Variants in BDP1 observed in about 807,000 individuals in gnomAD.
The protein encoded by BDP1 is transcription factor TFIIIB component B'' homolog.
In BDP1, 169 loss-of-function variants were observed where a neutral mutation model predicts 266.6. That is an observed-to-expected ratio of 0.63 (90% CI 0.56 to 0.72). The LOEUF is 0.72. Among genes scored for constraint, BDP1 ranks in the 30% least tolerant of loss-of-function variants. The probability of loss-of-function intolerance (pLI) is 0.00; values close to 1 mark genes in which losing one functional copy is unlikely to be tolerated. For synonymous variants in BDP1, 1,090 were observed against 1,022.4 expected (o/e 1.07, Z -1.26); for missense variants, 3,015 against 3,053.8 (o/e 0.99, Z 0.30).
At chr5:71,495,089 G>A (rs1166707831) in intron 11 of BDP1, 161 bp from the exon 12 acceptor site, 3 of 424,348 alleles carry the variant, frequency 7.1e-6, no homozygotes, top group Non-Finnish European at 1.2e-5. Flanking sequence ...CATGATGCAA[G>A]ATGGATCATA....
At chr5:71,507,847 T>C (rs1331415511) in intron 16 of BDP1, among the ~76,000 whole-genome samples, 1 of 152,232 alleles carries the variant, frequency 6.6e-6, no homozygotes, top group Admixed American at 6.5e-5. Context: ...AGCAATCTTA[T>C]TCCTAAGGAC....
chr5:71,525,587 G>T (rs1416204200), intron 25 of BDP1, among the ~76,000 whole-genome samples: 3 of 84,778 alleles, frequency 3.5e-5, no homozygotes, highest in African/African-American at 1.3e-4. Flanking sequence ...CCGGGCGGGG[G>T]GCTGACCCCC....
At position 71,501,673 on chromosome 5, in the gene BDP1, T is replaced by TAA. The variant is rs11441119; in HGVS notation, c.2048+39_2048+40dup. ...ATCTGTGTGAGTATTCAGGAAGTAG[T>TAA]AAAAAAAAAAAAAAAAAAAAGTAAC... On this transcript the variant is annotated intron_variant, in intron 14 of 38. Transcript: ENST00000358731. The TAA allele has an allele frequency of 0.03, 16,481 of 541,146 alleles. 113 individuals carry two copies. The highest frequency in any genetic ancestry group is 0.06 in the South Asian group (1,827 of 30,468). The allele number at this position is 541,146 out of a possible 1,614,324, so 33.5% of individuals were successfully genotyped here.
In BDP1 at chr5:71,467,465, C is replaced by G. The variant is rs1400396162; in HGVS notation, c.897C>G (p.Tyr299Ter). 1 of 1,604,302 alleles carries G rather than the reference C, an allele frequency of 6.2e-7. No homozygotes were observed. Among genetic ancestry groups the G allele is most frequent in the Non-Finnish European group, 8.5e-7 (1 of 1,173,692 alleles). ...TTYSSFRKNY[Y>*]SKPWSNKETD... Reference sequence around the variant, plus strand: ...ACTCCAGCTTTAGGAAAAACTATTACTCTAAACCATGGTCAAATAAAGGTA... The same window carrying G: ...ACTCCAGCTTTAGGAAAAACTATTAGTCTAAACCATGGTCAAATAAAGGTA... The change falls in exon 6 of 39, where the codon TAC (tyrosine) becomes TAG (stop). Residue 299 changes from tyrosine to a stop codon, truncating the protein, a stop_gained. Coordinates refer to ENST00000358731, the MANE Select transcript of BDP1 (RefSeq NM_018429.3). LOFTEE classifies it high-confidence loss of function.
chr5:71,550,326 C>T (rs553386984), intron 34 of BDP1, among the ~76,000 whole-genome samples: 2 of 151,838 alleles, frequency 1.3e-5, no homozygotes, highest in East Asian at 3.9e-4. Flanking sequence ...GTGGAAGTTG[C>T]AGTGAGCTGA....
chr5:71,504,727 C>T lies in BDP1; in HGVS notation c.2348C>T (p.Pro783Leu). 6.2e-7 allele frequency: 1 copy of T among 1,613,402 alleles called. No homozygotes were observed. Among genetic ancestry groups the T allele is most frequent in the Non-Finnish European group, 8.5e-7 (1 of 1,179,728 alleles). Reference sequence around the variant, plus strand: ...TTTCAAAATGTGCAGCCAGATGAGCCCAAGGTTCTTAATGAATGTCTAAGG... The same window carrying T: ...TTTCAAAATGTGCAGCCAGATGAGCTCAAGGTTCTTAATGAATGTCTAAGG... The part of the protein sequence containing the change: ...DSFQNVQPDE[P>L]KVLNECLSVQ... Residue 783 changes from proline (P) to leucine (L), a missense_variant, in exon 16 of 39, where the codon CCC becomes CTC. Pro to Leu is a moderately conservative substitution (Grantham distance 98). Coordinates refer to ENST00000358731, the MANE Select transcript of BDP1 (RefSeq NM_018429.3).
At position 71,512,321 on chromosome 5, in the gene BDP1, C is replaced by T. The variant is rs372982175; in HGVS notation, c.4140C>T (p.His1380=). Residue 1380 remains histidine (H), a synonymous_variant, in exon 18 of 39, where the codon CAC becomes CAT. Transcript: ENST00000358731. ...ATTCTGAAAAAGAAGTATCAAGTCA[C>T]TTCAGTCATTTCAAGATTTCTTCAC... ...KRNSEKEVSS[H]FSHFKISSQT... 109 of 1,601,786 alleles carry T rather than the reference C, an allele frequency of 6.8e-5. No individual in the cohort carries two copies. Among genetic ancestry groups the T allele is most frequent in the Non-Finnish European group, 9.0e-5 (106 of 1,176,484 alleles).
chr5:71,473,989 C>T (rs1561680279), intron 7 of BDP1, among the ~76,000 whole-genome samples: 2 of 151,838 alleles, frequency 1.3e-5, no homozygotes, highest in African/African-American at 2.4e-5. Context: ...CTATACATTT[C>T]GTTTTTTTTG....
At chr5:71,522,517 AAT>A in intron 23 of BDP1, 27 bp downstream of exon 23, 10 of 1,539,432 alleles carry the variant, frequency 6.5e-6, no homozygotes, top group South Asian at 2.5e-5. Flanking sequence ...AAAAAAAAAA[AAT>A]TTTTTTTCTC....
At position 71,523,939 on chromosome 5, in the gene BDP1, C is replaced by T; in HGVS notation, c.5388C>T (p.Ser1796=). 6.2e-7 allele frequency: 1 copy of T among 1,603,020 alleles called. No individual in the cohort carries two copies. Among genetic ancestry groups the T allele is most frequent in the Admixed American group, 1.7e-5 (1 of 57,924 alleles). The change falls in exon 25 of 39, where the codon AGC becomes AGT. Residue 1796 remains serine, a splice_region_variant and synonymous_variant. Coordinates refer to ENST00000358731, the MANE Select transcript of BDP1 (RefSeq NM_018429.3). The part of the protein sequence containing the change: ...VEEQYLNKLT[S]CPQPLNETSY... Reference sequence around the variant, plus strand: ...ATTGTTGTTTTGATTAAATATCTAGCTGTCCACAACCGTTAAACGAAACAA... The same window carrying T: ...ATTGTTGTTTTGATTAAATATCTAGTTGTCCACAACCGTTAAACGAAACAA...
In BDP1 at chr5:71,510,208, A is replaced by G. The variant is rs1364641194; in HGVS notation, c.3116A>G (p.Glu1039Gly). 1 of 1,612,612 alleles carries G rather than the reference A, an allele frequency of 6.2e-7. No individual in the cohort carries two copies. The change falls in exon 17 of 39, where the codon GAA (glutamate) becomes GGA (glycine). Residue 1039 changes from glutamate to glycine, a missense_variant. Glu to Gly is a moderately conservative substitution (Grantham distance 98). Coordinates refer to ENST00000358731, the MANE Select transcript of BDP1 (RefSeq NM_018429.3). Reference protein sequence around the residue: ...IDATEEIDLEETEREVSPQEN... With the variant: ...IDATEEIDLEGTEREVSPQEN... Reference sequence around the variant, plus strand: ...GCTACTGAGGAAATAGATTTGGAAGAAACTGAAAGAGAAGTATCCCCACAG... The same window carrying G: ...GCTACTGAGGAAATAGATTTGGAAGGAACTGAAAGAGAAGTATCCCCACAG...
downstream of BDP1, among the ~76,000 whole-genome samples, chr5:71,572,359 A>G (rs181748232): frequency 4.6e-5 from 7 of 152,276 alleles, no homozygotes; most frequent in East Asian, 1.4e-3. Context: ...TCGAACAGCA[A>G]CAGAATCTGG....
chr5:71,487,800 G>A (rs975175757), intron 9 of BDP1, among the ~76,000 whole-genome samples: 1 of 152,198 alleles, frequency 6.6e-6, no homozygotes, highest in South Asian at 2.1e-4. Flanking sequence ...ACATTGTACA[G>A]CTAAGGCACA....
intron 7 of BDP1, among the ~76,000 whole-genome samples, chr5:71,482,542 A>G (rs1431984065): frequency 6.6e-6 from 1 of 152,160 alleles, no homozygotes; most frequent in Non-Finnish European, 1.5e-5. Flanking sequence ...TTATTTTGTG[A>G]TCATGGAATT....
chr5:71,547,946 C>T (rs1742457291), intron 32 of BDP1, among the ~76,000 whole-genome samples: 1 of 151,788 alleles, frequency 6.6e-6, no homozygotes, highest in African/African-American at 2.4e-5. Flanking sequence ...CAGAGCGAGA[C>T]TGTCTCAAAA....
chr5:71,532,049 G>C (rs1186928170), intron 25 of BDP1, among the ~76,000 whole-genome samples: 1 of 152,146 alleles, frequency 6.6e-6, no homozygotes, highest in African/African-American at 2.4e-5. Context: ...GAAATGCCAG[G>C]CACTAAGAAG....
chr5:71,529,217 C>G (rs1351008261), intron 25 of BDP1, among the ~76,000 whole-genome samples: 1 of 152,008 alleles, frequency 6.6e-6, no homozygotes, highest in Non-Finnish European at 1.5e-5. Flanking sequence ...TGGTGAAACC[C>G]CATCTCTACT....
At chr5:71,482,948 A>G (rs1763045239) in intron 7 of BDP1, among the ~76,000 whole-genome samples, 1 of 152,244 alleles carries the variant, frequency 6.6e-6, no homozygotes, top group South Asian at 2.1e-4. Context: ...GGGCAAGGCT[A>G]AACTGTATCA....
intron 28 of BDP1, 77 bp downstream of exon 28, chr5:71,539,726 T>A: frequency 1.1e-6 from 1 of 926,540 alleles, no homozygotes. Flanking sequence ...CACATTTGAG[T>A]AATAACCCTT....
Sources: allele counts gnomAD v4.1 joint callset (sites outside exome capture counted in the v4.1 genomes callset), GRCh38; gene constraint gnomAD v4.1.1; transcripts MANE v1.5; gene names NCBI Gene and HGNC (gene_info 2026-07-23, HGNC 2026-07-21).